BCR: variants seen among roughly 807,000 people sequenced by gnomAD.
The protein encoded by BCR is breakpoint cluster region protein.
In BCR, 58 loss-of-function variants were observed where a neutral mutation model predicts 138.6. The ratio of observed to expected loss-of-function variants is 0.42; its 90% CI spans 0.34 to 0.52. The LOEUF is 0.52. Among genes scored for constraint, BCR ranks in the 20% least tolerant of loss-of-function variants. The pLI is 0.06. For synonymous variants in BCR, 786 were observed against 730.1 expected, an observed-to-expected ratio of 1.08 and a Z score of -1.23; for missense variants, 1,599 against 1,727.2, an observed-to-expected ratio of 0.93 and a Z score of 1.32.
At chr22:23,217,799 G>C (rs1344058853) in intron 1 of BCR, among the ~76,000 whole-genome samples, 2 of 152,246 alleles carry the variant, frequency 1.3e-5, no homozygotes, top group Non-Finnish European at 1.5e-5. Context: ...GCCTACGTGT[G>C]GGATGCTCGT....
chr22:23,186,514 G>T (rs1296450875), intron 1 of BCR, among the ~76,000 whole-genome samples: 3 of 152,000 alleles, frequency 2.0e-5, no homozygotes, highest in Non-Finnish European at 4.4e-5. Flanking sequence ...TCATCTTCCC[G>T]ACTGAAGCTC....
At chr22:23,188,026 A>G (rs576709143) in intron 1 of BCR, among the ~76,000 whole-genome samples, 6 of 152,202 alleles carry the variant, frequency 3.9e-5, no homozygotes, top group East Asian at 1.9e-4. Flanking sequence ...TGGACTGGCA[A>G]CCAGTTTGAG....
chr22:23,206,088 G>C (rs751186777), intron 1 of BCR, among the ~76,000 whole-genome samples: 4 of 152,188 alleles, frequency 2.6e-5, no homozygotes, highest in Non-Finnish European at 5.9e-5. Flanking sequence ...AAAGCTGGAT[G>C]AGAGATGGTC....
Position 23,268,466 on chromosome 22 carries a change from T to C in BCR, c.1811T>C (p.Met604Thr), listed in dbSNP as rs772934805. ...FVDNYGVAME[M>T]AEKCCQANAQ... ...GACAACTACGGAGTTGCCATGGAAA[T>C]GGCTGAGAAGTGCTGTCAGGCCAAT... is the stretch of plus-strand genomic sequence containing the variant. Residue 604 changes from methionine (M) to threonine (T), a missense_variant, in exon 5 of 23, where the codon ATG becomes ACG. Met to Thr is a moderately conservative substitution (Grantham distance 81, BLOSUM62 -1). Around this residue, in one of 4 missense-constraint regions of BCR, gnomAD observed 590 missense variants for 762.4 expected, o/e 0.77. Transcript: ENST00000305877. The C allele has an allele frequency of 1.2e-6, 2 of 1,613,962 alleles. No individual in the cohort carries two copies. Among genetic ancestry groups the C allele is most frequent in the South Asian group, 1.1e-5 (1 of 91,054 alleles).
intron 1 of BCR, among the ~76,000 whole-genome samples, chr22:23,229,833 G>A (rs1037317738): frequency 1.3e-5 from 2 of 152,230 alleles, no homozygotes; most frequent in Admixed American, 6.5e-5. Flanking sequence ...TGCTGGTGAA[G>A]GGGGCAGGGG....
chr22:23,235,392 C>T (rs371715962), intron 1 of BCR, among the ~76,000 whole-genome samples: 13 of 144,754 alleles, frequency 9.0e-5, no homozygotes, highest in African/African-American at 3.2e-4. Context: ...CTCCAAGTTC[C>T]GAATTCCCTG....
At chr22:23,301,506 A>T (rs949287833) in intron 16 of BCR, among the ~76,000 whole-genome samples, 17 of 152,204 alleles carry the variant, frequency 1.1e-4, no homozygotes, top group African/African-American at 3.6e-4. Flanking sequence ...ACCCCGTCCC[A>T]TGAATCTTGG....
intron 1 of BCR, among the ~76,000 whole-genome samples, chr22:23,204,156 G>A (rs1011563168): frequency 1.3e-5 from 2 of 152,132 alleles, no homozygotes; most frequent in South Asian, 2.1e-4. Context: ...AGGGTGTTCC[G>A]TCTTATTTTC....
chr22:23,196,686 T>G (rs2072486981), intron 1 of BCR, among the ~76,000 whole-genome samples: 1 of 152,096 alleles, frequency 6.6e-6, no homozygotes, highest in African/African-American at 2.4e-5. Context: ...AGGTATTAGA[T>G]TCTCATGAGG....
chr22:23,186,562 C>T (rs1048286991), intron 1 of BCR, among the ~76,000 whole-genome samples: 3 of 152,202 alleles, frequency 2.0e-5, no homozygotes, highest in Non-Finnish European at 4.4e-5. Flanking sequence ...TCCCTGCCCC[C>T]AGCCCCTGGC....
intron 5 of BCR, among the ~76,000 whole-genome samples, chr22:23,270,877 G>T (rs1309584742): frequency 1.3e-5 from 2 of 152,192 alleles, no homozygotes; most frequent in African/African-American, 4.8e-5. Flanking sequence ...CCCTGCTTTT[G>T]CCCTGGGAAT....
intron 4 of BCR, chr22:23,263,113 ACATCCCGGGGACAGGGG>A (rs2073388309): frequency 1.4e-6 from 1 of 707,274 alleles, no homozygotes; most frequent in South Asian, 1.9e-5. Context: ...GTTTGGGCCT[ACATCCCGGGGACAGGGG>A]CGGCCATGGC....
chr22:23,251,781 G>C (rs2073231141), intron 1 of BCR, among the ~76,000 whole-genome samples: 1 of 152,174 alleles, frequency 6.6e-6, no homozygotes, highest in Non-Finnish European at 1.5e-5. Flanking sequence ...ACCCCATCAG[G>C]GTGAGCTCTC....
chr22:23,194,441 C>T (rs865923582), intron 1 of BCR, among the ~76,000 whole-genome samples: 4 of 149,292 alleles, frequency 2.7e-5, no homozygotes, highest in African/African-American at 7.4e-5. Context: ...GATGGGGTCT[C>T]GCTCTGTCGC....
chr22:23,196,502 C>T (rs535948268), intron 1 of BCR, among the ~76,000 whole-genome samples: 1 of 152,282 alleles, frequency 6.6e-6, no homozygotes, highest in South Asian at 2.1e-4. Flanking sequence ...AGGCTTGAAG[C>T]ATTCAGTATA....
At chr22:23,261,096 G>C in intron 3 of BCR, 42 bp downstream of exon 3, 1 of 1,577,440 alleles carries the variant, frequency 6.3e-7, no homozygotes, top group East Asian at 2.2e-5. Flanking sequence ...GGATGGGGCA[G>C]GGTGACAGGG....
intron 6 of BCR, among the ~76,000 whole-genome samples, chr22:23,271,984 G>A (rs1200366844): frequency 6.6e-6 from 1 of 151,806 alleles, no homozygotes; most frequent in Non-Finnish European, 1.5e-5. Flanking sequence ...CACCACCACA[G>A]CCAGCTAATT....
chr22:23,264,373 C>A (rs1028667757), intron 4 of BCR: 6 of 897,550 alleles, frequency 6.7e-6, no homozygotes, highest in South Asian at 2.7e-5. Flanking sequence ...TCAGGGCCAC[C>A]CCTGCCTGTG....
At chr22:23,272,477 A>G (rs1219281510) in intron 6 of BCR, among the ~76,000 whole-genome samples, 1 of 152,134 alleles carries the variant, frequency 6.6e-6, no homozygotes, top group Non-Finnish European at 1.5e-5. Flanking sequence ...CACTGTCATC[A>G]TGGAGAAGCA....
Sources: gnomAD v4.1 joint callset for allele counts (sites outside exome capture counted in the v4.1 genomes callset) on GRCh38, gnomAD v4.1.1 for gene constraint, gnomAD v4.1.1 regional missense constraint, MANE v1.5 for transcripts, NCBI Gene and HGNC (gene_info 2026-07-23, HGNC 2026-07-21) for gene names.